Variants in OR9G4 observed in about 807,000 individuals in gnomAD.
OR9G4 encodes olfactory receptor 9G4.
Under a neutral mutation model 16.7 loss-of-function variants are expected in OR9G4, and 19 were observed. The ratio of observed to expected loss-of-function variants is 1.14; its 90% CI spans 0.79 to 1.67. The LOEUF is 1.67. OR9G4 is among the 40% of genes most tolerant of loss of function. The pLI, the probability that OR9G4 is intolerant of heterozygous loss-of-function variation, is 0.00. For synonymous variants in OR9G4, 182 were observed against 146.2 expected (o/e 1.24, Z -1.76); for missense variants, 428 against 370.4 (o/e 1.16, Z -1.28).
At position 56,743,295 on chromosome 11, in the gene OR9G4, C is replaced by T. The variant is rs376131645; in HGVS notation, c.472G>A (p.Ala158Thr). Residue 158 changes from alanine to threonine, a missense_variant, in exon 2 of 2, where the codon GCC (alanine) becomes ACC (threonine). Coordinates refer to ENST00000641668, the MANE Select transcript of OR9G4 (RefSeq NM_001005284.2). The part of the protein sequence containing the change: ...SYIGGFLNAI[A>T]HTANTFRLHF... ...AGGCGGAATGTATTGGCAGTATGGG[C>T]TATGGCATTCAAAAATCCTCCTATG... 19 of 1,614,000 alleles carry T rather than the reference C, an allele frequency of 1.2e-5. No individual in the cohort carries two copies. The African/African-American group carries it at 2.5e-4, about 22-fold the overall frequency.
intron 1 of OR9G4, among the ~76,000 whole-genome samples, chr11:56,744,432 A>T (rs1858371855): frequency 6.6e-6 from 1 of 152,220 alleles, no homozygotes; most frequent in African/African-American, 2.4e-5. Context: ...TATTGGGTAC[A>T]TTAGTGGGCA....
At position 56,741,491 on chromosome 11, in the gene OR9G4, G is replaced by A. The variant is rs558846625; in HGVS notation, c.*1337C>T. ...CATAATATGGATCATTGATATTTGC[G>A]GGATACACCCCAAATCCTTCTAGTC... is the stretch of plus-strand genomic sequence containing the variant. On this transcript the variant is annotated 3_prime_UTR_variant, in exon 2 of 2. Coordinates refer to ENST00000641668, the MANE Select transcript of OR9G4 (RefSeq NM_001005284.2). 1.3e-5 allele frequency: 2 copies of A among 153,712 alleles called. No individual in the cohort carries two copies. Among genetic ancestry groups the A allele is most frequent in the African/African-American group, 2.4e-5 (1 of 41,406 alleles). The allele number at this position is 153,712 out of a possible 1,614,324, so 9.5% of individuals were successfully genotyped here.
rs71470125 is a variant in OR9G4, at chr11:56,746,292, C to CAA, written c.-23+2362_-23+2363dup. Among the ~76,000 whole-genome samples the CAA allele has an allele frequency of 3.9e-3, 278 of 70,550 alleles. 8 individuals carry two copies. The highest frequency in any genetic ancestry group is 0.015 in the African/African-American group (250 of 17,162). The allele number at this position is 70,550 out of a possible 152,430, so 46.3% of individuals were successfully genotyped here. A position where few individuals can be genotyped will look rare whatever the true frequency, so the allele number is the denominator to read the frequency against. On this transcript the variant is annotated intron_variant, in intron 1 of 1. Coordinates refer to ENST00000641668, the MANE Select transcript of OR9G4 (RefSeq NM_001005284.2). ...TGGGCGACAGAGCGAGACTCCGTCTCAAAAAAAAAAAAAAAAAAAAAAAAA... is the reference window on the plus strand; with the variant it reads ...TGGGCGACAGAGCGAGACTCCGTCTCAAAAAAAAAAAAAAAAAAAAAAAAAAA...
intron 1 of OR9G4, among the ~76,000 whole-genome samples, chr11:56,747,302 CTTCT>C (rs1216968526): frequency 1.3e-5 from 2 of 152,038 alleles, no homozygotes; most frequent in African/African-American, 2.4e-5. Context: ...ACTCCTTCAT[CTTCT>C]TTAAGTTCCT....
chr11:56,744,347 C>T (rs566126279), intron 1 of OR9G4, among the ~76,000 whole-genome samples: 3 of 152,196 alleles, frequency 2.0e-5, no homozygotes, highest in African/African-American at 7.2e-5. Context: ...AGCCATCGCA[C>T]CTGGCCGACT....
At chr11:56,746,880 T>G (rs770096088) in intron 1 of OR9G4, among the ~76,000 whole-genome samples, 8 of 152,158 alleles carry the variant, frequency 5.3e-5, no homozygotes, top group Non-Finnish European at 1.0e-4. Flanking sequence ...CAAACCACTA[T>G]GATCTACTGC....
intron 1 of OR9G4, among the ~76,000 whole-genome samples, chr11:56,745,147 C>G (rs1485822674): frequency 6.6e-6 from 1 of 152,122 alleles, no homozygotes; most frequent in Non-Finnish European, 1.5e-5. Context: ...GGATAATTAT[C>G]TAACTTAATT....
At position 56,741,435 on chromosome 11, in the gene OR9G4, C is replaced by T. The variant is rs1374315119; in HGVS notation, c.*1393G>A. On this transcript the variant is annotated 3_prime_UTR_variant, in exon 2 of 2. Coordinates refer to ENST00000641668, the MANE Select transcript of OR9G4 (RefSeq NM_001005284.2). ...AATATTGACCCAATTATTTTTCCTA[C>T]ATAGTGACTATTATGGAGATGAAAA... is the stretch of plus-strand genomic sequence containing the variant. 1.8e-5 allele frequency: 3 copies of T among 167,496 alleles called. No individual in the cohort carries two copies. Among genetic ancestry groups the T allele is most frequent in the Non-Finnish European group, 3.8e-5 (3 of 78,082 alleles). The allele number at this position is 167,496 out of a possible 1,614,324, so 10.4% of individuals were successfully genotyped here.
intron 1 of OR9G4, among the ~76,000 whole-genome samples, chr11:56,745,171 T>C (rs1858386819): frequency 6.6e-6 from 1 of 152,198 alleles, no homozygotes; most frequent in Admixed American, 6.5e-5. Flanking sequence ...AATTCTGAGC[T>C]TGCAAAACAT....
chr11:56,748,222 C>G (rs2135064120), intron 1 of OR9G4, among the ~76,000 whole-genome samples: 1 of 152,260 alleles, frequency 6.6e-6, no homozygotes, highest in Non-Finnish European at 1.5e-5. Flanking sequence ...ATGCATCTTC[C>G]CCTGCAGCAG....
Position 56,743,272 on chromosome 11 carries a change from G to T in OR9G4, c.495C>A (p.Arg165=), listed in dbSNP as rs1368728797. Residue 165 remains arginine (R), a synonymous_variant, in exon 2 of 2, where the codon CGC becomes CGA. Coordinates refer to ENST00000641668, the MANE Select transcript of OR9G4 (RefSeq NM_001005284.2). ...TGATATTTTTACCACAAAAATGCAG[G>T]CGGAATGTATTGGCAGTATGGGCTA... ...NAIAHTANTF[R]LHFCGKNIID... The T allele has an allele frequency of 6.2e-7, 1 of 1,614,064 alleles. No homozygotes were observed. Among genetic ancestry groups the T allele is most frequent in the Non-Finnish European group, 8.5e-7 (1 of 1,180,022 alleles).
In OR9G4 at chr11:56,743,602, C is replaced by T; in HGVS notation, c.165G>A (p.Leu55=). 3.1e-6 allele frequency: 5 copies of T among 1,614,060 alleles called. No homozygotes were observed. The highest frequency in any genetic ancestry group is 4.2e-6 in the Non-Finnish European group (5 of 1,179,966). Residue 55 remains leucine (L), a synonymous_variant, in exon 2 of 2, where the codon TTG becomes TTA. Transcript: ENST00000641668. ...CAATGAAAAAGTACATAGGTGTATG[C>T]AAGTGGGAATCAGTTCGGATTAAGA... ...LVILIRTDSH[L]HTPMYFFIGN...
At chr11:56,746,357 C>T (rs1432299166) in intron 1 of OR9G4, among the ~76,000 whole-genome samples, 1 of 149,144 alleles carries the variant, frequency 6.7e-6, no homozygotes, top group Non-Finnish European at 1.5e-5. Flanking sequence ...CTAAACACTG[C>T]ATTTCTTAAT....
In OR9G4 at chr11:56,743,127, T is replaced by A; in HGVS notation, c.640A>T (p.Ile214Phe). 1 of 1,614,114 alleles carries A rather than the reference T, an allele frequency of 6.2e-7. No homozygotes were observed. Among genetic ancestry groups the A allele is most frequent in the Non-Finnish European group, 8.5e-7 (1 of 1,179,976 alleles). The change falls in exon 2 of 2, where the codon ATC (isoleucine) becomes TTC (phenylalanine). Residue 214 changes from isoleucine (I) to phenylalanine (F), a missense_variant. Ile to Phe is a conservative substitution (Grantham distance 21). Coordinates refer to ENST00000641668, the MANE Select transcript of OR9G4 (RefSeq NM_001005284.2). The part of the protein sequence containing the change: ...GFTVLSSILA[I>F]LISYVNILLA... Reference sequence around the variant, plus strand: ...AGGATGTTGACATAGGAAATCAGGATAGCAAGAATGCTGGAGAGTACTGTG... The same window carrying A: ...AGGATGTTGACATAGGAAATCAGGAAAGCAAGAATGCTGGAGAGTACTGTG...
chr11:56,743,539 C>G lies in OR9G4; in HGVS notation c.228G>C (p.Val76=), dbSNP rs775947998. 72 of 1,613,986 alleles carry G rather than the reference C, an allele frequency of 4.5e-5. No individual in the cohort carries two copies. In the Admixed American group the frequency reaches 1.2e-3, roughly 27 times the overall value. ...LSFLDFWYTS[V]YTPKILASCV... The stretch of plus-strand genomic sequence containing the variant: ...AACTGGCCAGGATTTTGGGGGTATA[C>G]ACAGAGGTATACCAGAAATCCAAAA... The change falls in exon 2 of 2, where the codon GTG becomes GTC. Residue 76 remains valine, a synonymous_variant. Transcript: ENST00000641668.
At chr11:56,746,580 T>C (rs926668387) in intron 1 of OR9G4, among the ~76,000 whole-genome samples, 2 of 152,180 alleles carry the variant, frequency 1.3e-5, no homozygotes, top group African/African-American at 4.8e-5. Context: ...GATGACTAAG[T>C]TTGGTCGGGT....
intron 1 of OR9G4, among the ~76,000 whole-genome samples, chr11:56,745,430 T>C (rs1046597842): frequency 8.5e-5 from 13 of 152,314 alleles, no homozygotes; most frequent in Admixed American, 5.9e-4. Flanking sequence ...AAATTTTGGT[T>C]GATCCTATTC....
chr11:56,748,013 C>G (rs1858447663), intron 1 of OR9G4, among the ~76,000 whole-genome samples: 1 of 152,176 alleles, frequency 6.6e-6, no homozygotes, highest in South Asian at 2.1e-4. Context: ...ATATTCAGAA[C>G]AAGATCTATC....
rs763404026 is a variant in OR9G4 at position 56,743,420 on chromosome 11, G to A, written c.347C>T (p.Ala116Val). 1.2e-6 allele frequency: 2 copies of A among 1,614,096 alleles called. No individual in the cohort carries two copies. Among genetic ancestry groups the A allele is most frequent in the Non-Finnish European group, 1.7e-6 (2 of 1,180,018 alleles). The change falls in exon 2 of 2, where the codon GCA becomes GTA. Residue 116 changes from alanine to valine, a missense_variant. By Grantham distance (64) the Ala-to-Val change is moderately conservative. Transcript: ENST00000641668. Reference protein sequence around the residue: ...VVAYTECYLLAAMAYDRHAAI... With the variant: ...VVAYTECYLLVAMAYDRHAAI... ...TGCATGGCGGTCATATGCCATGGCTGCCAGGAGATAGCATTCAGTGTAGGC... is the reference window on the plus strand; with the variant it reads ...TGCATGGCGGTCATATGCCATGGCTACCAGGAGATAGCATTCAGTGTAGGC...
Sources: allele counts gnomAD v4.1 joint callset (sites outside exome capture counted in the v4.1 genomes callset), GRCh38; gene constraint gnomAD v4.1.1; transcripts MANE v1.5; gene names NCBI Gene and HGNC (gene_info 2026-07-23, HGNC 2026-07-21).